Variants in ASTN2 observed in about 807,000 individuals in gnomAD.
ASTN2 encodes astrotactin-2.
ASTN2 carries 54 observed loss-of-function variants against 139.8 expected under a neutral mutation model. The ratio of observed to expected loss-of-function variants is 0.39; its 90% CI spans 0.31 to 0.48. The LOEUF is 0.48. Among genes scored for constraint, ASTN2 ranks in the 20% least tolerant of loss-of-function variants. The pLI, the probability that ASTN2 is intolerant of heterozygous loss-of-function variation, is 0.95. For synonymous variants in ASTN2, 756 were observed against 719.5 expected (o/e 1.05, Z -0.81); for missense variants, 1,565 against 1,725.1 (o/e 0.91, Z 1.64).
intron 13 of ASTN2, among the ~76,000 whole-genome samples, chr9:116,755,963 C>T (rs1027834386): frequency 1.3e-5 from 2 of 152,362 alleles, no homozygotes; most frequent in African/African-American, 4.8e-5. Context: ...GCCCTCCTAA[C>T]ACCTTGATGG....
intron 19 of ASTN2, among the ~76,000 whole-genome samples, chr9:116,560,275 A>C (rs61700493): frequency 0.16 from 24,143 of 152,066 alleles, 2,084 homozygotes; most frequent in African/African-American, 0.21. Context: ...TCACTAACTC[A>C]CTAGCTCCTT....
chr9:117,008,068 C>A, intron 7 of ASTN2, 24 bp downstream of exon 7: 1 of 1,556,068 alleles, frequency 6.4e-7, no homozygotes, highest in South Asian at 1.2e-5. Context: ...ACCTTCTATC[C>A]CCATCCCGGC....
chr9:117,048,938 G>A (rs1228889818), intron 5 of ASTN2, among the ~76,000 whole-genome samples: 3 of 129,964 alleles, frequency 2.3e-5, no homozygotes, highest in African/African-American at 8.1e-5. Context: ...AATAGAATCT[G>A]TGCGCTCTGA....
At chr9:117,095,960 G>A (rs967501305) in intron 5 of ASTN2, 84 bp downstream of exon 5, 1 of 1,294,252 alleles carries the variant, frequency 7.7e-7, no homozygotes, top group African/African-American at 1.5e-5. Context: ...AGAAGATTTA[G>A]GATTTGCTAG....
Position 116,845,726 on chromosome 9 carries a change from T to C in ASTN2, c.2040+17857A>G, listed in dbSNP as rs1329934205. Among the ~76,000 whole-genome samples, 8 of 152,062 alleles carry C rather than the reference T, an allele frequency of 5.3e-5. No individual in the cohort carries two copies. The East Asian group carries it at 1.4e-3, about 26-fold the overall frequency. ...TACCAAAAATTCAGAAAATAATGAG[T>C]GTTGGTGAAGATGTGGAGAAATTGG... On this transcript the variant is annotated intron_variant, in intron 11 of 22. Transcript: ENST00000313400.
intron 19 of ASTN2, among the ~76,000 whole-genome samples, chr9:116,501,945 A>G (rs1849870778): frequency 6.6e-6 from 1 of 151,160 alleles, no homozygotes; most frequent in Non-Finnish European, 1.5e-5. Flanking sequence ...TCGCACTTGC[A>G]CACACACACA....
At chr9:117,190,330 T>C (rs1219654912) in intron 3 of ASTN2, among the ~76,000 whole-genome samples, 1 of 152,112 alleles carries the variant, frequency 6.6e-6, no homozygotes, top group Non-Finnish European at 1.5e-5. Context: ...AACAAAACAT[T>C]ATGTAGGGGC....
At chr9:116,818,113 G>A (rs1303193953) in intron 12 of ASTN2, among the ~76,000 whole-genome samples, 1 of 152,068 alleles carries the variant, frequency 6.6e-6, no homozygotes, top group African/African-American at 2.4e-5. Flanking sequence ...GAATTGTTAT[G>A]AGAATTGAAT....
At chr9:116,738,720 G>C (rs1829012718) in intron 13 of ASTN2, among the ~76,000 whole-genome samples, 1 of 152,162 alleles carries the variant, frequency 6.6e-6, no homozygotes, top group South Asian at 2.1e-4. Context: ...GTTCAGAGAG[G>C]TTAAGGAACT....
At chr9:117,197,252 C>CT (rs2132981586) in intron 3 of ASTN2, 1 of 152,392 alleles carries the variant, frequency 6.6e-6, no homozygotes, top group South Asian at 2.1e-4. Context: ...AAGCTGCGTG[C>CT]TCGGTTGAAG....
At chr9:117,071,550 T>C (rs1828127343) in intron 5 of ASTN2, among the ~76,000 whole-genome samples, 2 of 150,874 alleles carry the variant, frequency 1.3e-5, no homozygotes, top group Middle Eastern at 3.4e-3. Flanking sequence ...CAGTTCGAGC[T>C]TCCCAGCTGC....
At chr9:116,502,225 T>C (rs1173761491) in intron 19 of ASTN2, among the ~76,000 whole-genome samples, 2 of 148,068 alleles carry the variant, frequency 1.4e-5, no homozygotes, top group Admixed American at 1.3e-4. Flanking sequence ...CAGAGAGACA[T>C]AGAGACACAC....
At chr9:117,342,109 T>A (rs946655396) in intron 1 of ASTN2, among the ~76,000 whole-genome samples, 1 of 152,174 alleles carries the variant, frequency 6.6e-6, no homozygotes, top group Non-Finnish European at 1.5e-5. Context: ...TTTCATGTCA[T>A]GTATTACAAA....
intron 16 of ASTN2, among the ~76,000 whole-genome samples, chr9:116,695,674 T>A (rs1318733683): frequency 6.6e-6 from 1 of 152,218 alleles, no homozygotes; most frequent in Admixed American, 6.5e-5. Context: ...AGGATTTGCG[T>A]TTATGAAATG....
intron 16 of ASTN2, among the ~76,000 whole-genome samples, chr9:116,673,081 C>T (rs1487131855): frequency 6.6e-6 from 1 of 152,236 alleles, no homozygotes; most frequent in African/African-American, 2.4e-5. Flanking sequence ...AACTTCATAA[C>T]TTTACTTCAT....
At chr9:117,069,287 A>C (rs992594401) in intron 5 of ASTN2, among the ~76,000 whole-genome samples, 1 of 108,086 alleles carries the variant, frequency 9.3e-6, no homozygotes, top group Non-Finnish European at 1.9e-5. Context: ...ACTCAGGAGC[A>C]GGTTGTTCAG....
chr9:116,561,014 C>A (rs1406358839), intron 19 of ASTN2, among the ~76,000 whole-genome samples: 1 of 145,970 alleles, frequency 6.9e-6, no homozygotes, highest in Non-Finnish European at 1.5e-5. Flanking sequence ...TCTAGATGAA[C>A]TCTGGGTTAG....
chr9:117,391,611 CA>C (rs1481290341), intron 1 of ASTN2, among the ~76,000 whole-genome samples: 8 of 152,234 alleles, frequency 5.3e-5, no homozygotes, highest in African/African-American at 1.4e-4. Flanking sequence ...TGGGTGGGGA[CA>C]CAGAGCCAAA....
intron 19 of ASTN2, among the ~76,000 whole-genome samples, chr9:116,535,047 G>A (rs955318372): frequency 2.6e-5 from 4 of 152,186 alleles, no homozygotes; most frequent in Admixed American, 6.5e-5. Flanking sequence ...GGGTGCTCCT[G>A]TATTGGGTGC....
Sources: gnomAD v4.1 joint callset for allele counts (sites outside exome capture counted in the v4.1 genomes callset) on GRCh38, gnomAD v4.1.1 for gene constraint, MANE v1.5 for transcripts, NCBI Gene and HGNC (gene_info 2026-07-23, HGNC 2026-07-21) for gene names.